AP4E1: variants seen among roughly 807,000 people sequenced by gnomAD.
The protein encoded by AP4E1 is adaptor related protein complex 4 subunit epsilon 1.
In AP4E1, 56 loss-of-function variants were observed where a neutral mutation model predicts 128.2. The observed-to-expected ratio is 0.44, with a 90% CI of 0.35 to 0.55. AP4E1 has a LOEUF of 0.55. Among genes scored for constraint, AP4E1 ranks in the 20% least tolerant of loss-of-function variants. AP4E1 has a pLI of 0.00. For missense variants in AP4E1, 1,324 were observed against 1,307.7 expected, an observed-to-expected ratio of 1.01 and a Z score of -0.19; for synonymous variants, 484 against 473.1, an observed-to-expected ratio of 1.02 and a Z score of -0.30.
chr15:50,921,490 A>G (rs2063702674), intron 3 of AP4E1, among the ~76,000 whole-genome samples: 1 of 151,952 alleles, frequency 6.6e-6, no homozygotes, highest in South Asian at 2.1e-4. Flanking sequence ...CTGGGATTAC[A>G]GGAGAGTGTC....
chr15:50,945,159 A>G, intron 10 of AP4E1: 1 of 868,906 alleles, frequency 1.2e-6, no homozygotes, highest in Admixed American at 1.7e-5. Context: ...TCATCACTGT[A>G]AAGAAGCTGT....
At chr15:50,928,396 T>C (rs1278285749) in intron 5 of AP4E1, among the ~76,000 whole-genome samples, 1 of 152,174 alleles carries the variant, frequency 6.6e-6, no homozygotes, top group African/African-American at 2.4e-5. Flanking sequence ...CAAGCGATTC[T>C]TGTGCCTCAG....
At position 50,997,682 on chromosome 15, in the gene AP4E1, T is replaced by C; in HGVS notation, c.2703T>C (p.Ser901=). Residue 901 remains serine, a synonymous_variant, in exon 18 of 21, where the codon TCT becomes TCC. Coordinates refer to ENST00000261842, the MANE Select transcript of AP4E1 (RefSeq NM_007347.5). ...CAGCCTCAGTTGCCAAGGAAAGCTCTTTAGCTTCATCTTTTTTGGAAGAAA... is the reference window on the plus strand; with the variant it reads ...CAGCCTCAGTTGCCAAGGAAAGCTCCTTAGCTTCATCTTTTTTGGAAGAAA... ...STAASVAKES[S]LASSFLEETT... is the part of the protein sequence containing the mutation. 3 of 1,614,048 alleles carry C rather than the reference T, an allele frequency of 1.9e-6. No homozygotes were observed. Among genetic ancestry groups the C allele is most frequent in the Non-Finnish European group, 2.5e-6 (3 of 1,179,986 alleles).
chr15:51,001,263 A>G, intron 20 of AP4E1, 80 bp downstream of exon 20: 1 of 1,351,244 alleles, frequency 7.4e-7, no homozygotes, highest in Non-Finnish European at 1.0e-6. Flanking sequence ...TCTTACAAGT[A>G]TCAGATTTCT....
intron 7 of AP4E1, among the ~76,000 whole-genome samples, chr15:50,932,306 G>C (rs1172827560): frequency 6.6e-6 from 1 of 152,072 alleles, no homozygotes; most frequent in South Asian, 2.1e-4. Context: ...TTCAAACTTA[G>C]ACACTTTCAA....
chr15:50,977,370 G>C (rs1272909545), intron 15 of AP4E1, among the ~76,000 whole-genome samples: 4 of 152,128 alleles, frequency 2.6e-5, no homozygotes, highest in African/African-American at 9.7e-5. Flanking sequence ...AATTCCCCAA[G>C]CTTATGCAGT....
chr15:50,913,036 C>T (rs1405198789), intron 2 of AP4E1, among the ~76,000 whole-genome samples: 1 of 151,908 alleles, frequency 6.6e-6, no homozygotes, highest in Non-Finnish European at 1.5e-5. Flanking sequence ...TGAGTGTCTT[C>T]AGTATATAAG....
At chr15:50,939,624 A>G (rs2063956069) in intron 8 of AP4E1, among the ~76,000 whole-genome samples, 1 of 152,226 alleles carries the variant, frequency 6.6e-6, no homozygotes, top group African/African-American at 2.4e-5. Flanking sequence ...TAAGGAAACT[A>G]AAAATAAGTG....
intron 1 of AP4E1, 75 bp downstream of exon 1, chr15:50,909,003 C>CGA: frequency 6.3e-7 from 1 of 1,588,562 alleles, no homozygotes; most frequent in Non-Finnish European, 8.5e-7. Flanking sequence ...GGCCGGGCGG[C>CGA]GAGACTTCAG....
At chr15:50,939,696 A>C (rs1415525159) in intron 8 of AP4E1, among the ~76,000 whole-genome samples, 1 of 152,186 alleles carries the variant, frequency 6.6e-6, no homozygotes, top group African/African-American at 2.4e-5. Flanking sequence ...TGAGCATCTG[A>C]ATATAAACGT....
chr15:50,974,701 A>G (rs2064528487), intron 15 of AP4E1, among the ~76,000 whole-genome samples: 1 of 152,022 alleles, frequency 6.6e-6, no homozygotes, highest in Non-Finnish European at 1.5e-5. Flanking sequence ...CTTTTCTTTG[A>G]TAATCACCAT....
chr15:50,999,376 T>C (rs2064927214), intron 19 of AP4E1, 114 bp downstream of exon 19: 1 of 863,360 alleles, frequency 1.2e-6, no homozygotes, highest in Non-Finnish European at 1.8e-6. Flanking sequence ...AGTTAAAAAC[T>C]ACGCACAGTT....
chr15:50,941,818 T>C (rs1278392120), intron 10 of AP4E1, 43 bp downstream of exon 10: 2 of 1,502,700 alleles, frequency 1.3e-6, no homozygotes, highest in Admixed American at 3.5e-5. Flanking sequence ...TGTTAAAATT[T>C]TTAAAAATTT....
At chr15:50,993,718 G>A in intron 17 of AP4E1, 93 bp downstream of exon 17, 1 of 1,509,346 alleles carries the variant, frequency 6.6e-7, no homozygotes, top group Non-Finnish European at 9.1e-7. Context: ...TCGTCTATAT[G>A]TATAGTGAAA....
chr15:50,956,787 A>G (rs888846722), intron 13 of AP4E1, among the ~76,000 whole-genome samples: 8 of 152,212 alleles, frequency 5.3e-5, no homozygotes, highest in African/African-American at 2.4e-5. Flanking sequence ...AGCCAACCAT[A>G]TCAGAGAGAT....
intron 10 of AP4E1, among the ~76,000 whole-genome samples, chr15:50,941,979 T>C (rs1255495954): frequency 2.6e-5 from 4 of 152,122 alleles, no homozygotes; most frequent in Non-Finnish European, 5.9e-5. Flanking sequence ...TGCAGTGGCA[T>C]GATCTCAACT....
chr15:50,940,055 A>C (rs1469279648), intron 8 of AP4E1, among the ~76,000 whole-genome samples: 2 of 152,190 alleles, frequency 1.3e-5, no homozygotes, highest in Admixed American at 6.5e-5. Context: ...TGGCATTTTA[A>C]AAATAGGCTG....
rs190641754 is a variant in AP4E1, at chr15:50,969,456, C to A, written c.1966+1079C>A. On this transcript the variant is annotated intron_variant, in intron 15 of 20. Coordinates refer to ENST00000261842, the MANE Select transcript of AP4E1 (RefSeq NM_007347.5). The stretch of plus-strand genomic sequence containing the variant: ...CTGTGGAAAAGTTTCAGAAAACAAC[C>A]CTGGTTACTATGGACTAGTGAGCTT... Among the ~76,000 whole-genome samples, 11 of 152,032 alleles carry A rather than the reference C, an allele frequency of 7.2e-5. No individual in the cohort carries two copies. The East Asian group carries it at 2.1e-3, about 29-fold the overall frequency.
chr15:50,960,767 A>G (rs1322844726), intron 14 of AP4E1, among the ~76,000 whole-genome samples: 1 of 151,994 alleles, frequency 6.6e-6, no homozygotes, highest in Non-Finnish European at 1.5e-5. Context: ...AGAAGGAAAT[A>G]AATAGTAAAG....
Sources: gnomAD v4.1 joint callset for allele counts (sites outside exome capture counted in the v4.1 genomes callset) on GRCh38, gnomAD v4.1.1 for gene constraint, MANE v1.5 for transcripts, NCBI Gene and HGNC (gene_info 2026-07-23, HGNC 2026-07-21) for gene names.